The following AKT3 variants were observed in gnomAD, a reference collection of about 807,000 sequenced individuals.
The protein encoded by AKT3 is RAC-gamma serine/threonine-protein kinase.
A neutral mutation model predicts 65.3 loss-of-function variants in AKT3; 15 were observed. The observed-to-expected ratio is 0.23, with a 90% CI of 0.15 to 0.35. The LOEUF is 0.35. Ranked by LOEUF, AKT3 falls within the 10% of genes least tolerant of loss-of-function variation. AKT3 has a pLI of 1.00. For synonymous variants in AKT3, 206 were observed against 183.8 expected (o/e 1.12, Z -0.98); for missense variants, 243 against 576.5 (o/e 0.42, Z 5.92).
intron 2 of AKT3, among the ~76,000 whole-genome samples, chr1:243,835,959 A>ATAT (rs1277422339): frequency 6.6e-6 from 1 of 152,128 alleles, no homozygotes; most frequent in Non-Finnish European, 1.5e-5. Flanking sequence ...TACTGAAAAG[A>ATAT]TACTAAATCC....
intron 2 of AKT3, among the ~76,000 whole-genome samples, chr1:243,803,093 C>T (rs1157694981): frequency 4.6e-5 from 7 of 152,068 alleles, no homozygotes; most frequent in Non-Finnish European, 7.4e-5. Flanking sequence ...GGTTGCAGTG[C>T]GCTATGATCG....
chr1:243,622,477 A>G (rs1041801602), intron 6 of AKT3, among the ~76,000 whole-genome samples: 20 of 152,218 alleles, frequency 1.3e-4, no homozygotes, highest in African/African-American at 4.8e-4. Context: ...GCTGACTTGA[A>G]TAAAATTTCC....
intron 2 of AKT3, among the ~76,000 whole-genome samples, chr1:243,731,485 T>C (rs1687564980): frequency 6.6e-6 from 1 of 152,166 alleles, no homozygotes; most frequent in African/African-American, 2.4e-5. Flanking sequence ...TCTACACACA[T>C]AGTGAGGCCA....
chr1:243,713,878 C>T (rs1409368558), intron 2 of AKT3, among the ~76,000 whole-genome samples: 1 of 152,060 alleles, frequency 6.6e-6, no homozygotes, highest in East Asian at 1.9e-4. Context: ...TTAACAAAGC[C>T]CTGTGAATTG....
chr1:243,518,811 A>G (rs575506584), intron 12 of AKT3, among the ~76,000 whole-genome samples: 45 of 152,358 alleles, frequency 3.0e-4, no homozygotes, highest in African/African-American at 8.7e-4. Context: ...TTTCTGCACC[A>G]AAATTAACTC....
At chr1:243,517,189 G>A (rs1193157575) in intron 12 of AKT3, among the ~76,000 whole-genome samples, 1 of 152,028 alleles carries the variant, frequency 6.6e-6, no homozygotes, top group Non-Finnish European at 1.5e-5. Context: ...ATGTTTTACA[G>A]TACTTAAATC....
intron 5 of AKT3, among the ~76,000 whole-genome samples, chr1:243,638,497 T>A (rs1680139023): frequency 1.3e-5 from 2 of 152,156 alleles, no homozygotes; most frequent in South Asian, 4.1e-4. Context: ...TCCAGAAACT[T>A]CCAAACTTTT....
At chr1:243,780,291 T>C (rs147045168) in intron 2 of AKT3, among the ~76,000 whole-genome samples, 1 of 152,200 alleles carries the variant, frequency 6.6e-6, no homozygotes, top group African/African-American at 2.4e-5. Context: ...TAAAGATTAT[T>C]AGAAAGACAT....
rs147587818 is a variant in AKT3 at position 243,724,031 on chromosome 1, C to A, written c.47-28315G>T. On this transcript the variant is annotated intron_variant, in intron 2 of 13. Transcript: ENST00000673466. ...AATGCATTCCTATGAAATTTATATC[C>A]TTATTTTCCGAGTCAGAAACAACAA... Among the ~76,000 whole-genome samples, 47 of 152,256 alleles carry A rather than the reference C, an allele frequency of 3.1e-4. No homozygotes were observed. The East Asian group carries it at 9.1e-3, about 29-fold the overall frequency.
At chr1:243,727,373 A>T (rs1687274685) in intron 2 of AKT3, among the ~76,000 whole-genome samples, 1 of 152,100 alleles carries the variant, frequency 6.6e-6, no homozygotes, top group South Asian at 2.1e-4. Flanking sequence ...AGCTCAACAC[A>T]GCCTTGACCT....
chr1:243,618,063 T>C (rs1191959286), intron 6 of AKT3, among the ~76,000 whole-genome samples: 2 of 152,170 alleles, frequency 1.3e-5, no homozygotes, highest in Non-Finnish European at 2.9e-5. Context: ...TTCTAGTGCT[T>C]TGAATATTTT....
chr1:243,650,553 G>A (rs1430972023), intron 4 of AKT3, among the ~76,000 whole-genome samples: 6 of 152,178 alleles, frequency 3.9e-5, no homozygotes, highest in Non-Finnish European at 8.8e-5. Flanking sequence ...TTACATTTAA[G>A]TCTTTAATCC....
Position 243,843,225 on chromosome 1 carries a change from T to C in AKT3, c.-55A>G. 6.3e-7 allele frequency: 1 copy of C among 1,590,988 alleles called. No homozygotes were observed. The highest frequency in any genetic ancestry group is 8.6e-7 in the Non-Finnish European group (1 of 1,165,818). ...AGAAATGGTACTTTGTGATATCAGC[T>C]TTAGGGTTTGGATTCTCTGCTGCTG... On this transcript the variant is annotated 5_prime_UTR_variant, in exon 2 of 14. Coordinates refer to ENST00000673466, the MANE Select transcript of AKT3 (RefSeq NM_005465.7).
intron 2 of AKT3, among the ~76,000 whole-genome samples, chr1:243,757,778 T>TTTC (rs1689232280): frequency 6.6e-6 from 1 of 151,864 alleles, no homozygotes. Flanking sequence ...TTTTTTTTTT[T>TTTC]CATATGGAAT....
intron 10 of AKT3, among the ~76,000 whole-genome samples, chr1:243,558,576 T>C (rs1025871758): frequency 2.0e-5 from 3 of 152,196 alleles, no homozygotes; most frequent in Non-Finnish European, 4.4e-5. Flanking sequence ...TAAAATTAGA[T>C]GCATTTTTTT....
At chr1:243,713,354 CCTAAA>C (rs1558745687) in intron 2 of AKT3, among the ~76,000 whole-genome samples, 1 of 152,006 alleles carries the variant, frequency 6.6e-6, no homozygotes, top group African/African-American at 2.4e-5. Flanking sequence ...GTATTAAACC[CCTAAA>C]CTAATTAACG....
intron 8 of AKT3, among the ~76,000 whole-genome samples, chr1:243,601,572 CA>C (rs1416225480): frequency 6.6e-6 from 1 of 152,010 alleles, no homozygotes; most frequent in Non-Finnish European, 1.5e-5. Context: ...TGTATTTACC[CA>C]AGAAGATTAA....
chr1:243,721,917 A>T (rs1164024962), intron 2 of AKT3, among the ~76,000 whole-genome samples: 1 of 152,176 alleles, frequency 6.6e-6, no homozygotes, highest in Non-Finnish European at 1.5e-5. Flanking sequence ...TAGGTATTAT[A>T]ATTTTCTAGA....
At position 243,692,983 on chromosome 1, in the gene AKT3, G is replaced by A. The variant is rs77079030; in HGVS notation, c.172+2608C>T. Among the ~76,000 whole-genome samples the A allele has an allele frequency of 9.9e-3, 1,497 of 151,730 alleles. 28 individuals are homozygous for A. The highest frequency in any genetic ancestry group is 0.035 in the African/African-American group (1,446 of 41,376). On this transcript the variant is annotated intron_variant, in intron 3 of 13. Coordinates refer to ENST00000673466, the MANE Select transcript of AKT3 (RefSeq NM_005465.7). Reference sequence around the variant, plus strand: ...AGTGAGTAAGGGAGGAAGCTAGACTGCAGTGGGATACGAAGTGGAAACAAT... The same window carrying A: ...AGTGAGTAAGGGAGGAAGCTAGACTACAGTGGGATACGAAGTGGAAACAAT...
Sources: allele counts gnomAD v4.1 joint callset (sites outside exome capture counted in the v4.1 genomes callset), GRCh38; gene constraint gnomAD v4.1.1; transcripts MANE v1.5; gene names NCBI Gene and HGNC (gene_info 2026-07-23, HGNC 2026-07-21).